Variants in WWOX observed in about 807,000 individuals in gnomAD.
WWOX encodes WW domain-containing oxidoreductase.
Under a neutral mutation model 46.2 loss-of-function variants are expected in WWOX, and 69 were observed. That is an observed-to-expected ratio of 1.49 (90% CI 1.23 to 1.82). The LOEUF (loss-of-function observed/expected upper bound fraction) is 1.82, where lower values mean the gene tolerates loss of function less well. WWOX is among the 40% of genes most tolerant of loss of function. The probability of loss-of-function intolerance (pLI) is 0.00; values close to 1 mark genes in which losing one functional copy is unlikely to be tolerated. For missense variants in WWOX, 919 were observed against 542.6 expected (o/e 1.69, Z -6.89); for synonymous variants, 359 against 202.6 (o/e 1.77, Z -6.56).
At chr16:78,503,326 A>G (rs531812478) in intron 8 of WWOX, among the ~76,000 whole-genome samples, 14 of 152,288 alleles carry the variant, frequency 9.2e-5, no homozygotes, top group East Asian at 1.9e-4. Context: ...AGGTCTACCT[A>G]TAAGTACCTT....
In WWOX at chr16:78,428,184, A is replaced by G. The variant is rs141252113; in HGVS notation, c.791+3129A>G. 1.8e-4 allele frequency among the ~76,000 whole-genome samples: 27 copies of G among 152,354 alleles called. No homozygotes were observed. In the East Asian group the frequency reaches 4.8e-3, roughly 27 times the overall value. ...TACTGTCCACAGAGCAAATGTCAATATTTTAATGTACTAGTAAGGGAAAAT... is the reference window on the plus strand; with the variant it reads ...TACTGTCCACAGAGCAAATGTCAATGTTTTAATGTACTAGTAAGGGAAAAT... On this transcript the variant is annotated intron_variant, in intron 7 of 8. Coordinates refer to ENST00000566780, the MANE Select transcript of WWOX (RefSeq NM_016373.4).
At chr16:78,429,358 C>T (rs6564557) in intron 7 of WWOX, among the ~76,000 whole-genome samples, 30,674 of 152,094 alleles carry the variant, frequency 0.2, 4,490 homozygotes, top group African/African-American at 0.4. Flanking sequence ...TGGAGGCATG[C>T]ATTTTTATCT....
At chr16:78,626,493 G>A (rs190448553) in intron 8 of WWOX, among the ~76,000 whole-genome samples, 1 of 152,240 alleles carries the variant, frequency 6.6e-6, no homozygotes, top group Non-Finnish European at 1.5e-5. Flanking sequence ...ATGAATTTCA[G>A]GGAGGAAGAC....
intron 8 of WWOX, chr16:78,526,106 C>G (rs2043459915): frequency 6.6e-6 from 1 of 152,314 alleles, no homozygotes; most frequent in African/African-American, 2.4e-5. Context: ...CATCAGTGAA[C>G]AGATTCTTCC....
intron 4 of WWOX, among the ~76,000 whole-genome samples, chr16:78,157,502 C>A (rs139309810): frequency 6.6e-6 from 1 of 152,240 alleles, no homozygotes; most frequent in African/African-American, 2.4e-5. Context: ...CTTTTACTAC[C>A]CACACACCCA....
intron 8 of WWOX, among the ~76,000 whole-genome samples, chr16:78,748,829 T>C (rs2049410909): frequency 6.6e-6 from 1 of 152,210 alleles, no homozygotes; most frequent in South Asian, 2.1e-4. Flanking sequence ...GCCCAAATCC[T>C]TGTAAAGCCA....
At chr16:79,052,675 C>T (rs2150531510) in intron 8 of WWOX, among the ~76,000 whole-genome samples, 1 of 152,278 alleles carries the variant, frequency 6.6e-6, no homozygotes, top group African/African-American at 2.4e-5. Context: ...CAGTAGAGTA[C>T]ACGTGTCAGG....
chr16:78,545,015 AAGAG>A (rs935980534), intron 8 of WWOX, among the ~76,000 whole-genome samples: 4 of 152,156 alleles, frequency 2.6e-5, no homozygotes, highest in East Asian at 1.9e-4. Context: ...AGCTTTACAA[AAGAG>A]AGAGAGAGAA....
chr16:78,827,829 G>A (rs2051704961), intron 8 of WWOX, among the ~76,000 whole-genome samples: 1 of 152,208 alleles, frequency 6.6e-6, no homozygotes, highest in Middle Eastern at 3.4e-3. Flanking sequence ...CGGCAAGCAA[G>A]ACACCATTTC....
intron 8 of WWOX, among the ~76,000 whole-genome samples, chr16:78,737,972 A>C (rs533410615): frequency 6.6e-6 from 1 of 152,178 alleles, no homozygotes; most frequent in Non-Finnish European, 1.5e-5. Flanking sequence ...AAAGGCACCA[A>C]CATGAGTCCA....
Position 78,424,107 on chromosome 16 carries a change from CTTT to C in WWOX, c.606-753_606-751del, listed in dbSNP as rs199817825. 1.9e-3 allele frequency among the ~76,000 whole-genome samples: 196 copies of C among 102,134 alleles called. 1 individual carries two copies. Among genetic ancestry groups the C allele is most frequent in the African/African-American group, 6.7e-3 (182 of 26,988 alleles). The allele number at this position is 102,134 out of a possible 152,430, so 67.0% of individuals were successfully genotyped here. On this transcript the variant is annotated intron_variant, in intron 6 of 8. Coordinates refer to ENST00000566780, the MANE Select transcript of WWOX (RefSeq NM_016373.4). ...CTTTGTTTTTCTTTTCTTTTCTTTTCTTTTTTTTTTTTGTTTTTTTTTTTTTTG... is the reference window on the plus strand; with the variant it reads ...CTTTGTTTTTCTTTTCTTTTCTTTTCTTTTTTTTTGTTTTTTTTTTTTTTG...
chr16:78,757,093 G>C (rs564504066), intron 8 of WWOX: 154 of 691,128 alleles, frequency 2.2e-4, no homozygotes, highest in Non-Finnish European at 3.1e-4. Flanking sequence ...CTGCAATCTT[G>C]ACTGGAACTT....
intron 8 of WWOX, among the ~76,000 whole-genome samples, chr16:79,028,289 C>G (rs776726837): frequency 2.0e-5 from 3 of 151,820 alleles, no homozygotes; most frequent in African/African-American, 7.3e-5. Context: ...GGCCCAGTGT[C>G]TGGCAAATGG....
intron 8 of WWOX, among the ~76,000 whole-genome samples, chr16:79,007,305 C>G (rs1357316398): frequency 6.6e-6 from 1 of 152,062 alleles, no homozygotes; most frequent in Non-Finnish European, 1.5e-5. Context: ...CAGGGGAGGG[C>G]CCCTGAGAAA....
intron 8 of WWOX, among the ~76,000 whole-genome samples, chr16:78,601,384 G>T (rs1204600353): frequency 6.6e-6 from 1 of 151,388 alleles, no homozygotes; most frequent in Non-Finnish European, 1.5e-5. Context: ...GACAGAGGAG[G>T]TTCAGGGCAA....
intron 8 of WWOX, among the ~76,000 whole-genome samples, chr16:78,990,540 C>A (rs956137724): frequency 1.3e-5 from 2 of 152,238 alleles, no homozygotes; most frequent in African/African-American, 4.8e-5. Context: ...CTGACAACAG[C>A]TCTTTGTTTA....
At chr16:79,081,745 C>T (rs2048764177) in intron 8 of WWOX, among the ~76,000 whole-genome samples, 1 of 152,092 alleles carries the variant, frequency 6.6e-6, no homozygotes, top group African/African-American at 2.4e-5. Flanking sequence ...TGAACCATGG[C>T]TTGCGGGGGC....
intron 8 of WWOX, among the ~76,000 whole-genome samples, chr16:78,510,129 G>C (rs1294114355): frequency 1.3e-5 from 2 of 152,064 alleles, no homozygotes; most frequent in African/African-American, 2.4e-5. Flanking sequence ...CAGTGTATTA[G>C]TAAAGAAGTT....
intron 5 of WWOX, among the ~76,000 whole-genome samples, chr16:78,261,789 T>TAG (rs773934553): frequency 0.28 from 12,373 of 44,374 alleles, 718 homozygotes; most frequent in Non-Finnish European, 0.32. Flanking sequence ...TCTATCTATC[T>TAG]ATATATATAT....
Sources: gnomAD v4.1 joint callset for allele counts (sites outside exome capture counted in the v4.1 genomes callset) on GRCh38, gnomAD v4.1.1 for gene constraint, MANE v1.5 for transcripts, NCBI Gene and HGNC (gene_info 2026-07-23, HGNC 2026-07-21) for gene names.